CHN2: variants seen among roughly 807,000 people sequenced by gnomAD.
The protein encoded by CHN2 is beta-chimaerin.
In CHN2, 35 loss-of-function variants were observed where a neutral mutation model predicts 56.3. That is an observed-to-expected ratio of 0.62 (90% CI 0.47 to 0.82). The LOEUF (loss-of-function observed/expected upper bound fraction) is 0.82. CHN2 is among the 40% of genes least tolerant of loss of function. The pLI is 0.00. For synonymous variants in CHN2, 210 were observed against 212.8 expected (o/e 0.99, Z 0.12); for missense variants, 491 against 580.5 (o/e 0.85, Z 1.58).
rs2128606639 is a variant in CHN2, at chr7:29,512,897, G to A, written c.*162G>A. ...GGGGTACTGTGTCTCATAGACATGC[G>A]CCACCTCCACGTGAGAACAAGGGTG... is the stretch of plus-strand genomic sequence containing the variant. On this transcript the variant is annotated 3_prime_UTR_variant, in exon 13 of 13. Coordinates refer to ENST00000222792, the MANE Select transcript of CHN2 (RefSeq NM_004067.4). 1.9e-5 allele frequency: 13 copies of A among 684,830 alleles called. No individual in the cohort carries two copies. Among genetic ancestry groups the A allele is most frequent in the South Asian group, 1.8e-4 (8 of 43,774 alleles). 42.4% of individuals were successfully genotyped at this position (684,830 alleles called of 1,614,324 possible).
At chr7:29,241,551 T>C (rs1267263682) in intron 1 of CHN2, among the ~76,000 whole-genome samples, 1 of 151,720 alleles carries the variant, frequency 6.6e-6, no homozygotes, top group African/African-American at 2.4e-5. Flanking sequence ...TTTTGGAAAA[T>C]GAAAAGGAGC....
Position 29,453,736 on chromosome 7 carries a change from T to A in CHN2, c.577-26543T>A, listed in dbSNP as rs150416862. Among the ~76,000 whole-genome samples the A allele has an allele frequency of 4.9e-3, 739 of 152,234 alleles. 9 individuals carry two copies. The highest frequency in any genetic ancestry group is 0.017 in the African/African-American group (711 of 41,536). On this transcript the variant is annotated intron_variant, in intron 6 of 12. Transcript: ENST00000222792. ...GGGTGGTTTGGATTTGATAGAGAGA[T>A]CAAGGCCTACCCAGGCTAAATCTAA...
intron 1 of CHN2, among the ~76,000 whole-genome samples, chr7:29,271,220 G>T (rs1381104684): frequency 6.6e-6 from 1 of 152,196 alleles, no homozygotes; most frequent in Non-Finnish European, 1.5e-5. Context: ...TTTGGCTGTG[G>T]TAGGTCCCTG....
At chr7:29,285,067 G>C (rs769441820) in intron 1 of CHN2, among the ~76,000 whole-genome samples, 4 of 152,166 alleles carry the variant, frequency 2.6e-5, no homozygotes, top group Non-Finnish European at 4.4e-5. Context: ...TGGGGTGTGT[G>C]AGCCGCTTCT....
At chr7:29,373,926 T>C (rs1799818328) in intron 3 of CHN2, among the ~76,000 whole-genome samples, 1 of 152,192 alleles carries the variant, frequency 6.6e-6, no homozygotes, top group Admixed American at 6.5e-5. Flanking sequence ...AATAAATGTT[T>C]TAAAACAAAG....
intron 2 of CHN2, among the ~76,000 whole-genome samples, chr7:29,178,381 T>A (rs1797631352): frequency 6.6e-6 from 1 of 152,192 alleles, no homozygotes. Context: ...CTGGTCTTCC[T>A]CTGCGTGCGG....
chr7:29,230,816 A>C (rs754129677), intron 1 of CHN2, among the ~76,000 whole-genome samples: 12 of 151,990 alleles, frequency 7.9e-5, no homozygotes, highest in Non-Finnish European at 1.5e-4. Flanking sequence ...TTTGTGTCTT[A>C]TCTACAAAAC....
At chr7:29,203,281 T>C (rs1052095456) in intron 1 of CHN2, among the ~76,000 whole-genome samples, 4 of 151,868 alleles carry the variant, frequency 2.6e-5, no homozygotes, top group African/African-American at 9.7e-5. Context: ...AGCCTGACCA[T>C]CATGGTGAAA....
chr7:29,396,252 G>A (rs1274425869), intron 4 of CHN2, among the ~76,000 whole-genome samples: 5 of 151,840 alleles, frequency 3.3e-5, no homozygotes, highest in African/African-American at 1.2e-4. Flanking sequence ...AGACCACTCC[G>A]GGCAACATGG....
At chr7:29,339,256 T>C (rs1474566946) in intron 1 of CHN2, among the ~76,000 whole-genome samples, 2 of 151,926 alleles carry the variant, frequency 1.3e-5, no homozygotes, top group Non-Finnish European at 2.9e-5. Flanking sequence ...TTTGCTATAC[T>C]TTTTTTTAAT....
chr7:29,180,822 T>G (rs1240763071), intron 2 of CHN2, among the ~76,000 whole-genome samples: 2 of 152,168 alleles, frequency 1.3e-5, no homozygotes, highest in Non-Finnish European at 2.9e-5. Context: ...TGGACAAGAC[T>G]CGTATCATCC....
intron 1 of CHN2, among the ~76,000 whole-genome samples, chr7:29,222,170 C>T (rs1003433031): frequency 6.6e-6 from 1 of 152,142 alleles, no homozygotes; most frequent in Non-Finnish European, 1.5e-5. Context: ...TGAAGGACCT[C>T]TTCAAGGAGA....
intron 1 of CHN2, among the ~76,000 whole-genome samples, chr7:29,315,605 T>C (rs1489660462): frequency 1.3e-5 from 2 of 152,128 alleles, no homozygotes; most frequent in Non-Finnish European, 2.9e-5. Flanking sequence ...AAGTGTCAAA[T>C]AGATGACATA....
intron 10 of CHN2, among the ~76,000 whole-genome samples, chr7:29,505,510 T>C (rs1049510213): frequency 2.0e-5 from 3 of 152,168 alleles, no homozygotes; most frequent in African/African-American, 7.2e-5. Context: ...TCCTCCCTAC[T>C]GTACTGCACA....
At chr7:29,404,754 A>G (rs1311495174) in intron 6 of CHN2, among the ~76,000 whole-genome samples, 3 of 152,206 alleles carry the variant, frequency 2.0e-5, no homozygotes. Flanking sequence ...TTTTAAAGAC[A>G]GGATCTCACT....
chr7:29,270,977 G>A (rs911147149), intron 1 of CHN2, among the ~76,000 whole-genome samples: 3 of 152,102 alleles, frequency 2.0e-5, no homozygotes, highest in South Asian at 4.2e-4. Flanking sequence ...GGCTTTTGAT[G>A]TTCCTAGTGC....
intron 6 of CHN2, among the ~76,000 whole-genome samples, chr7:29,442,264 C>A (rs1401186985): frequency 6.6e-6 from 1 of 152,138 alleles, no homozygotes; most frequent in African/African-American, 2.4e-5. Context: ...AGTTGTAACT[C>A]CCCATCAGGT....
At chr7:29,247,377 C>T (rs1055403460) in intron 1 of CHN2, among the ~76,000 whole-genome samples, 7 of 152,208 alleles carry the variant, frequency 4.6e-5, no homozygotes, top group Non-Finnish European at 1.0e-4. Context: ...CTGGCTGCCT[C>T]CTTTCACCCC....
At chr7:29,220,338 G>A (rs919781895) in intron 1 of CHN2, among the ~76,000 whole-genome samples, 8 of 148,092 alleles carry the variant, frequency 5.4e-5, no homozygotes, top group African/African-American at 1.0e-4. Context: ...AGTAGGAAAC[G>A]ATATATAATA....
Sources: gnomAD v4.1 joint callset for allele counts (sites outside exome capture counted in the v4.1 genomes callset) on GRCh38, gnomAD v4.1.1 for gene constraint, MANE v1.5 for transcripts, NCBI Gene and HGNC (gene_info 2026-07-23, HGNC 2026-07-21) for gene names.